The following NEBL variants were observed in gnomAD, a reference collection of about 807,000 sequenced individuals.
NEBL encodes the protein nebulette, also known as LIM and SH3 protein 2.
In NEBL, 122 loss-of-function variants were observed where a neutral mutation model predicts 140.2. The observed-to-expected ratio is 0.87, with a 90% confidence interval of 0.75 to 1.01. The LOEUF is 1.01. NEBL is among the 50% of genes least tolerant of loss of function. The pLI is 0.00. For synonymous variants in NEBL, 436 were observed against 398.9 expected, an observed-to-expected ratio of 1.09 and a Z score of -1.11; for missense variants, 1,365 against 1,231.3, an observed-to-expected ratio of 1.11 and a Z score of -1.62.
intron 3 of NEBL, among the ~76,000 whole-genome samples, chr10:20,987,591 G>T (rs547381799): frequency 6.6e-6 from 1 of 152,234 alleles, no homozygotes; most frequent in African/African-American, 2.4e-5. Context: ...CTGGAGCATG[G>T]TGCCAATAGC....
At chr10:21,207,477 C>T (rs547686521) in intron 3 of NEBL, among the ~76,000 whole-genome samples, 1 of 152,226 alleles carries the variant, frequency 6.6e-6, no homozygotes, top group Non-Finnish European at 1.5e-5. Context: ...TTCCAACATC[C>T]TAACAAAACC....
intron 22 of NEBL, among the ~76,000 whole-genome samples, chr10:20,815,103 C>T (rs1320151420): frequency 6.6e-6 from 1 of 152,198 alleles, no homozygotes; most frequent in East Asian, 1.9e-4. Context: ...CCCTGATATT[C>T]ACTAAGAGGA....
intron 4 of NEBL, among the ~76,000 whole-genome samples, chr10:20,921,761 A>G (rs953887118): frequency 2.7e-5 from 4 of 149,828 alleles, no homozygotes; most frequent in Non-Finnish European, 5.9e-5. Context: ...ACACATATCC[A>G]TGCACACACA....
chr10:20,923,414 C>T (rs1833694306), intron 4 of NEBL, among the ~76,000 whole-genome samples: 1 of 151,900 alleles, frequency 6.6e-6, no homozygotes, highest in East Asian at 1.9e-4. Flanking sequence ...CACGGTGGCT[C>T]ATGCCTGTAA....
At chr10:21,236,085 C>G (rs1842343616) in intron 3 of NEBL, among the ~76,000 whole-genome samples, 1 of 152,198 alleles carries the variant, frequency 6.6e-6, no homozygotes, top group African/African-American at 2.4e-5. Flanking sequence ...TCGTTCCCCT[C>G]TGGAATGATT....
intron 3 of NEBL, among the ~76,000 whole-genome samples, chr10:21,010,686 A>T (rs1838304329): frequency 6.6e-6 from 1 of 152,378 alleles, no homozygotes; most frequent in Non-Finnish European, 1.5e-5. Flanking sequence ...GAGTTACTCT[A>T]CTTCTACATA....
chr10:21,186,378 G>A (rs1341188923), intron 3 of NEBL, among the ~76,000 whole-genome samples: 1 of 151,940 alleles, frequency 6.6e-6, no homozygotes, highest in Admixed American at 6.6e-5. Context: ...ACCCTAGGGA[G>A]GGGACTAGGT....
chr10:20,947,552 G>A (rs561017795), intron 4 of NEBL, among the ~76,000 whole-genome samples: 4 of 152,206 alleles, frequency 2.6e-5, no homozygotes, highest in African/African-American at 7.2e-5. Context: ...AATTGTAACA[G>A]TCACAGTAAT....
chr10:21,290,917 T>C (rs1457576173), intron 1 of NEBL, among the ~76,000 whole-genome samples: 3 of 152,228 alleles, frequency 2.0e-5, no homozygotes, highest in Non-Finnish European at 4.4e-5. Context: ...TAACTTTGCA[T>C]GCCTTTTCTC....
Position 21,204,488 on chromosome 10 carries a change from A to G in NEBL, n.349-32011T>C, listed in dbSNP as rs183812808. Among the ~76,000 whole-genome samples the G allele has an allele frequency of 4.0e-3, 615 of 152,196 alleles. 12 individuals carry two copies. The highest frequency in any genetic ancestry group is 2.6e-3 in the Non-Finnish European group (180 of 68,004). ...ATGCGCACATGATGACAGACCATAT[A>G]AAGATACAGCAAGAAGGCAGCTGTC... On this transcript the variant is annotated intron_variant and non_coding_transcript_variant, in intron 3 of 8. Transcript: ENST00000675702.
At chr10:21,103,699 T>C (rs989728142) in intron 2 of NEBL, among the ~76,000 whole-genome samples, 2 of 151,836 alleles carry the variant, frequency 1.3e-5, no homozygotes, top group African/African-American at 2.4e-5. Context: ...ATATGTGTGA[T>C]ACATATTTTG....
intron 3 of NEBL, among the ~76,000 whole-genome samples, chr10:20,999,992 T>C (rs608788): frequency 0.22 from 33,877 of 151,724 alleles, 4,782 homozygotes; most frequent in Non-Finnish European, 0.3. Flanking sequence ...AGCAATGTAG[T>C]CATTTACTAC....
upstream of NEBL, among the ~76,000 whole-genome samples, chr10:21,176,867 T>A (rs1251313876): frequency 6.6e-6 from 1 of 152,244 alleles, no homozygotes; most frequent in Non-Finnish European, 1.5e-5. Context: ...ATCTCCTTAC[T>A]TTTTCCTCCT....
intron 4 of NEBL, among the ~76,000 whole-genome samples, chr10:20,908,056 A>G (rs974912392): frequency 2.0e-5 from 3 of 152,186 alleles, no homozygotes; most frequent in Non-Finnish European, 4.4e-5. Context: ...CCACTGACCT[A>G]TACCAGGTAC....
rs1235974018 is a variant in NEBL, at chr10:20,784,437, T to A, written c.*1310A>T. ...CTTAGAGAACAGGCTCTTGGGCCTG[T>A]ACTAAAAAATCTCTGATGACATTCC... On this transcript the variant is annotated 3_prime_UTR_variant, in exon 28 of 28. Coordinates refer to ENST00000377122, the MANE Select transcript of NEBL (RefSeq NM_006393.3). The A allele has an allele frequency of 6.6e-6, 1 of 152,066 alleles. No individual in the cohort carries two copies. Among genetic ancestry groups the A allele is most frequent in the Non-Finnish European group, 1.5e-5 (1 of 68,018 alleles). 9.4% of individuals were successfully genotyped at this position (152,066 alleles called of 1,614,324 possible). A position where few individuals can be genotyped will look rare whatever the true frequency, so the allele number is the denominator to read the frequency against.
intron 3 of NEBL, among the ~76,000 whole-genome samples, chr10:21,005,559 A>AC (rs1225085480): frequency 6.6e-6 from 1 of 152,022 alleles, no homozygotes; most frequent in African/African-American, 2.4e-5. Context: ...ACATAGGTAG[A>AC]CCCCATCTTT....
chr10:21,161,979 G>A (rs1440073605), intron 2 of NEBL, among the ~76,000 whole-genome samples: 1 of 152,228 alleles, frequency 6.6e-6, no homozygotes, highest in Non-Finnish European at 1.5e-5. Context: ...TCTGTGATTA[G>A]AGGTTTGGGG....
At chr10:20,918,624 G>A (rs2131491443) in intron 4 of NEBL, among the ~76,000 whole-genome samples, 1 of 152,126 alleles carries the variant, frequency 6.6e-6, no homozygotes, top group Non-Finnish European at 1.5e-5. Flanking sequence ...GCCGACGGGG[G>A]CAGATCAAGG....
intron 26 of NEBL, among the ~76,000 whole-genome samples, chr10:20,789,492 T>G (rs1439199988): frequency 6.6e-6 from 1 of 152,224 alleles, no homozygotes; most frequent in Non-Finnish European, 1.5e-5. Flanking sequence ...CCCAGCTTAG[T>G]GCCTGTTAAG....
Sources: gnomAD v4.1 joint callset for allele counts (sites outside exome capture counted in the v4.1 genomes callset) on GRCh38, gnomAD v4.1.1 for gene constraint, MANE v1.5 for transcripts, NCBI Gene and HGNC (gene_info 2026-07-23, HGNC 2026-07-21) for gene names.